The following KIAA0825 variants were observed in gnomAD, a reference collection of about 807,000 sequenced individuals.
KIAA0825 encodes the protein uncharacterized protein KIAA0825.
KIAA0825 carries 119 observed loss-of-function variants against 147.6 expected under a neutral mutation model. That is an observed-to-expected ratio of 0.81 (90% CI 0.69 to 0.94). KIAA0825 has a LOEUF of 0.94. Ranked by LOEUF, KIAA0825 falls within the 40% of genes least tolerant of loss-of-function variation. KIAA0825 has a pLI of 0.00. For missense variants in KIAA0825, 1,381 were observed against 1,472.7 expected (o/e 0.94, Z 1.02); for synonymous variants, 470 against 518.1 (o/e 0.91, Z 1.26).
intron 15 of KIAA0825, among the ~76,000 whole-genome samples, chr5:94,408,498 C>T (rs1584405199): frequency 6.7e-6 from 1 of 149,482 alleles, no homozygotes; most frequent in Admixed American, 6.7e-5. Context: ...AGGCACCCAC[C>T]ACCACACTCA....
At chr5:94,391,715 T>C (rs1471508691) in intron 17 of KIAA0825, 21 bp from the exon 18 acceptor site, 1 of 1,497,776 alleles carries the variant, frequency 6.7e-7, no homozygotes, top group Non-Finnish European at 9.0e-7. Context: ...AGAAAGCATA[T>C]ACATATCAGT....
chr5:94,389,997 C>T (rs1033788653), intron 18 of KIAA0825, among the ~76,000 whole-genome samples: 19 of 152,162 alleles, frequency 1.2e-4, no homozygotes, highest in African/African-American at 4.6e-4. Context: ...AATCATAACA[C>T]TGAGCAAAAT....
chr5:94,604,082 T>C (rs1205478207), intron 1 of KIAA0825, among the ~76,000 whole-genome samples: 1 of 152,224 alleles, frequency 6.6e-6, no homozygotes, highest in Non-Finnish European at 1.5e-5. Context: ...ATAAACCTGA[T>C]AGATATCTAC....
intron 20 of KIAA0825, among the ~76,000 whole-genome samples, chr5:94,288,447 C>T (rs962840600): frequency 3.9e-5 from 6 of 152,020 alleles, no homozygotes; most frequent in Non-Finnish European, 8.8e-5. Context: ...GCTGCAATGA[C>T]GGGAACAGGC....
At chr5:94,168,438 G>T (rs1768271373) in intron 20 of KIAA0825, among the ~76,000 whole-genome samples, 1 of 152,116 alleles carries the variant, frequency 6.6e-6, no homozygotes, top group Non-Finnish European at 1.5e-5. Flanking sequence ...TAATTAATAT[G>T]ATTTGTTCTA....
At chr5:94,203,148 AGAGT>A (rs1771851954) in intron 20 of KIAA0825, among the ~76,000 whole-genome samples, 4 of 152,232 alleles carry the variant, frequency 2.6e-5, no homozygotes, top group Admixed American at 2.6e-4. Flanking sequence ...CGTTTGCAAT[AGAGT>A]GCATAAATGC....
chr5:94,397,374 A>G (rs1374387085), intron 16 of KIAA0825, among the ~76,000 whole-genome samples: 1 of 152,116 alleles, frequency 6.6e-6, no homozygotes, highest in African/African-American at 2.4e-5. Context: ...ATGATTCCAC[A>G]TGTTCTTCCT....
Position 94,307,886 on chromosome 5 carries a change from A to G in KIAA0825, c.3710+76482T>C, listed in dbSNP as rs576935166. ...ATTCCTCCTATCATTTTTAGTTCCT[A>G]TAGTGCTTTTTGGAAACACACTCTC... On this transcript the variant is annotated intron_variant, in intron 20 of 20. Coordinates refer to ENST00000682413, the MANE Select transcript of KIAA0825 (RefSeq NM_001145678.3). Among the ~76,000 whole-genome samples, 9 of 151,876 alleles carry G rather than the reference A, an allele frequency of 5.9e-5. No homozygotes were observed. In the South Asian group the frequency reaches 1.7e-3, roughly 28 times the overall value.
At chr5:94,428,353 T>C in intron 14 of KIAA0825, among the ~76,000 whole-genome samples, 1 of 152,146 alleles carries the variant, frequency 6.6e-6, no homozygotes, top group African/African-American at 2.4e-5. Context: ...GTGGGCTATG[T>C]ATTTATGTGT....
intron 5 of KIAA0825, among the ~76,000 whole-genome samples, chr5:94,485,563 A>C (rs1762954455): frequency 6.6e-6 from 1 of 151,842 alleles, no homozygotes; most frequent in African/African-American, 2.4e-5. Context: ...TAGGAAATAC[A>C]CACTGAAATA....
rs553454622 is a variant in KIAA0825, at chr5:94,535,378, C to T, written c.131+1618G>A. ...TACAAAAATTAGCTGCGTGTGGCGG[C>T]GGGCACCTGTAATCCCAGCTTCTTG... is the stretch of plus-strand genomic sequence containing the variant. On this transcript the variant is annotated intron_variant, in intron 3 of 20. Transcript: ENST00000682413. Among the ~76,000 whole-genome samples, 13 of 150,142 alleles carry T rather than the reference C, an allele frequency of 8.7e-5. No individual in the cohort carries two copies. The East Asian group carries it at 1.2e-3, about 14-fold the overall frequency.
At chr5:94,560,874 A>C (rs1326066739) in intron 2 of KIAA0825, among the ~76,000 whole-genome samples, 1 of 152,188 alleles carries the variant, frequency 6.6e-6, no homozygotes, top group Non-Finnish European at 1.5e-5. Flanking sequence ...GCACATATAC[A>C]CACATTTGGT....
At chr5:94,436,705 T>C (rs1756419595) in intron 14 of KIAA0825, among the ~76,000 whole-genome samples, 1 of 152,192 alleles carries the variant, frequency 6.6e-6, no homozygotes, top group African/African-American at 2.4e-5. Flanking sequence ...TATAAATTTA[T>C]TTCGGCAGTG....
At chr5:94,585,517 C>T (rs998652550) in intron 1 of KIAA0825, among the ~76,000 whole-genome samples, 15 of 152,206 alleles carry the variant, frequency 9.9e-5, no homozygotes, top group African/African-American at 2.7e-4. Context: ...GCACCCAATA[C>T]AGGGGCACCC....
chr5:94,523,952 A>C lies in KIAA0825; in HGVS notation c.278T>G (p.Leu93Trp). 2.5e-6 allele frequency: 4 copies of C among 1,598,470 alleles called. No homozygotes were observed. Among genetic ancestry groups the C allele is most frequent in the Non-Finnish European group, 3.4e-6 (4 of 1,172,350 alleles). The change falls in exon 4 of 21, where the codon TTG becomes TGG. Residue 93 changes from leucine (L) to tryptophan (W), a missense_variant. Transcript: ENST00000682413. Reference sequence around the variant, plus strand: ...TACCAGTGTTTTGAAAAATTTTATCAAGTCTCCATGAGAAATGAAAGATGA... The same window carrying C: ...TACCAGTGTTTTGAAAAATTTTATCCAGTCTCCATGAGAAATGAAAGATGA... ...SESSFISHGD[L>W]IKFFKTLQDL...
intron 20 of KIAA0825, among the ~76,000 whole-genome samples, chr5:94,236,630 G>A (rs987976957): frequency 2.6e-5 from 4 of 152,112 alleles, no homozygotes; most frequent in Non-Finnish European, 4.4e-5. Flanking sequence ...AAACAGCATC[G>A]CATTCTACAG....
At chr5:94,221,800 T>C (rs1299255706) in intron 20 of KIAA0825, among the ~76,000 whole-genome samples, 2 of 152,188 alleles carry the variant, frequency 1.3e-5, no homozygotes, top group Admixed American at 6.5e-5. Context: ...GAGGTCTCTG[T>C]CTTTATCTCC....
At chr5:94,288,815 G>A (rs1777763877) in intron 20 of KIAA0825, among the ~76,000 whole-genome samples, 1 of 152,110 alleles carries the variant, frequency 6.6e-6, no homozygotes, top group Non-Finnish European at 1.5e-5. Flanking sequence ...CAAGAGTTGT[G>A]GAACCTGGAG....
At chr5:94,308,860 CTT>C (rs143865940) in intron 20 of KIAA0825, among the ~76,000 whole-genome samples, 29,581 of 151,654 alleles carry the variant, frequency 0.2, 3,462 homozygotes, top group Non-Finnish European at 0.25. Context: ...AGGGAGAACT[CTT>C]TGCCATAGAT....
Sources: gnomAD v4.1 joint callset for allele counts (sites outside exome capture counted in the v4.1 genomes callset) on GRCh38, gnomAD v4.1.1 for gene constraint, MANE v1.5 for transcripts, NCBI Gene and HGNC (gene_info 2026-07-23, HGNC 2026-07-21) for gene names.